Variants in SPTBN4 observed in about 807,000 individuals in gnomAD.
SPTBN4 encodes the protein spectrin beta, non-erythrocytic 4, also known as spectrin beta chain, non-erythrocytic 4.
In SPTBN4, 96 loss-of-function variants were observed where a neutral mutation model predicts 277.8. The observed-to-expected ratio is 0.35, with a 90% CI of 0.29 to 0.41. The LOEUF (loss-of-function observed/expected upper bound fraction) is 0.41. Ranked by LOEUF, SPTBN4 falls within the 10% of genes least tolerant of loss-of-function variation. The pLI, the probability that SPTBN4 is intolerant of heterozygous loss-of-function variation, is 1.00. For missense variants in SPTBN4, 3,006 were observed against 3,595.7 expected (o/e 0.84, Z 4.19); for synonymous variants, 1,481 against 1,580.3 (o/e 0.94, Z 1.49).
chr19:40,572,221 G>C (rs1373092408), intron 34 of SPTBN4, 29 bp downstream of exon 34: 1 of 1,594,882 alleles, frequency 6.3e-7, no homozygotes, highest in Admixed American at 1.7e-5. Flanking sequence ...AGGAGGGAGG[G>C]ATCCAAGGCT....
At chr19:40,497,240 T>G (rs1024153989) in intron 6 of SPTBN4, among the ~76,000 whole-genome samples, 1 of 152,142 alleles carries the variant, frequency 6.6e-6, no homozygotes, top group Non-Finnish European at 1.5e-5. Context: ...TTCGTCTGTG[T>G]GCACAGGCCG....
In SPTBN4 at chr19:40,523,561, A is replaced by G. The variant is rs1414506420; in HGVS notation, c.3779A>G (p.Gln1260Arg). Residue 1260 changes from glutamine to arginine, a missense_variant, in exon 17 of 36, where the codon CAG (glutamine) becomes CGG (arginine). Gln to Arg is a conservative substitution (Grantham distance 43). Transcript: ENST00000598249. ...CAGCAAAAGATGCAGGTGGCCGTGC[A>G]GGCTGCAGAGGGCCTGCTGAGGCAG... ...LSQQKMQVAV[Q>R]AAEGLLRQGN... 3 of 1,614,210 alleles carry G rather than the reference A, an allele frequency of 1.9e-6. No homozygotes were observed. Among genetic ancestry groups the G allele is most frequent in the Non-Finnish European group, 8.5e-7 (1 of 1,180,044 alleles).
chr19:40,516,371 TGGC>T (rs1384668996), intron 15 of SPTBN4, among the ~76,000 whole-genome samples: 1 of 152,064 alleles, frequency 6.6e-6, no homozygotes, highest in Non-Finnish European at 1.5e-5. Flanking sequence ...GGCATGATCA[TGGC>T]TCATTGCAGC....
chr19:40,489,548 G>A (rs2080113191), intron 3 of SPTBN4, among the ~76,000 whole-genome samples: 1 of 152,100 alleles, frequency 6.6e-6, no homozygotes, highest in African/African-American at 2.4e-5. Context: ...TACCAAGCCC[G>A]GCTAATTTTT....
chr19:40,569,598 C>A (rs1332676086), intron 31 of SPTBN4, 59 bp from the exon 32 acceptor site: 1 of 1,574,822 alleles, frequency 6.3e-7, no homozygotes, highest in Non-Finnish European at 8.7e-7. Context: ...CCCAGCCAGA[C>A]AGGTCCATGG....
rs991202607 is a variant in SPTBN4, at chr19:40,519,895, C to T, written c.3398C>T (p.Ala1133Val). The change falls in exon 16 of 36, where the codon GCT (alanine) becomes GTT (valine). Residue 1133 changes from alanine (A) to valine (V), a missense_variant. Ala to Val is a moderately conservative substitution (Grantham distance 64, BLOSUM62 0). Transcript: ENST00000598249. The surrounding 1 kb of genome is among the most constrained non-coding windows in gnomAD (Gnocchi z 5.7). ...EEADALLARH[A>V]ALKEEVDQRE... is the part of the protein sequence containing the mutation. Reference sequence around the variant, plus strand: ...GCGGACGCGCTGCTGGCGCGCCACGCTGCGCTCAAGGAGGAGGTGGACCAG... The same window carrying T: ...GCGGACGCGCTGCTGGCGCGCCACGTTGCGCTCAAGGAGGAGGTGGACCAG... The T allele has an allele frequency of 3.9e-6, 6 of 1,528,434 alleles. No homozygotes were observed. Among genetic ancestry groups the T allele is most frequent in the East Asian group, 2.5e-5 (1 of 39,716 alleles). 94.7% of individuals were successfully genotyped at this position (1,528,434 alleles called of 1,614,324 possible).
At position 40,529,027 on chromosome 19, in the gene SPTBN4, C is replaced by T; in HGVS notation, c.3858-14C>T. The T allele has an allele frequency of 1.2e-6, 2 of 1,612,512 alleles. No homozygotes were observed. The highest frequency in any genetic ancestry group is 1.7e-6 in the Non-Finnish European group (2 of 1,178,746). On this transcript the variant is annotated splice_polypyrimidine_tract_variant and intron_variant, in intron 17 of 35. Coordinates refer to ENST00000598249, the MANE Select transcript of SPTBN4 (RefSeq NM_020971.3). ...CCCGGGGCCTTTCCCCAGCCCTTATCTCCCCATCCCCAGGAACCAAGAAAA... is the reference window on the plus strand; with the variant it reads ...CCCGGGGCCTTTCCCCAGCCCTTATTTCCCCATCCCCAGGAACCAAGAAAA...
rs61435346 is a variant in SPTBN4, at chr19:40,481,162, G to A, written c.170-6535G>A. On this transcript the variant is annotated intron_variant, in intron 2 of 35. Transcript: ENST00000598249. The stretch of plus-strand genomic sequence containing the variant: ...CTTGTTTCTGGTGGTTTACACCCAC[G>A]CAGGAGTGAAGCTGTCCAATCATAG... Among the ~76,000 whole-genome samples, 1,353 of 152,220 alleles carry A rather than the reference G, an allele frequency of 8.9e-3. 7 individuals carry two copies. Among genetic ancestry groups the A allele is most frequent in the African/African-American group, 0.019 (805 of 41,550 alleles).
chr19:40,565,780 C>T (rs1309315129), intron 29 of SPTBN4, 35 bp downstream of exon 29: 3 of 1,545,454 alleles, frequency 1.9e-6, no homozygotes, highest in Non-Finnish European at 2.6e-6. Flanking sequence ...GGTTCAAGGG[C>T]ACAGGGACAT....
At chr19:40,509,599 C>T (rs2080368807) in intron 13 of SPTBN4, among the ~76,000 whole-genome samples, 1 of 152,186 alleles carries the variant, frequency 6.6e-6, no homozygotes, top group Non-Finnish European at 1.5e-5. Flanking sequence ...GTGCTGACGG[C>T]AGTTGGGGCT....
At chr19:40,561,531 T>C (rs62107867) in intron 27 of SPTBN4, among the ~76,000 whole-genome samples, 21,932 of 152,120 alleles carry the variant, frequency 0.14, 1,645 homozygotes, top group Non-Finnish European at 0.16. Flanking sequence ...TTCTGAAATA[T>C]AGCATGGGGA....
At chr19:40,491,438 G>C (rs1360809889) in intron 4 of SPTBN4, among the ~76,000 whole-genome samples, 1 of 151,988 alleles carries the variant, frequency 6.6e-6, no homozygotes, top group African/African-American at 2.4e-5. Context: ...GTGCATACAA[G>C]TTTAGAAAGA....
chr19:40,497,319 C>A, intron 6 of SPTBN4, 170 bp from the exon 7 acceptor site: 3 of 603,968 alleles, frequency 5.0e-6, no homozygotes, highest in Non-Finnish European at 8.9e-6. Flanking sequence ...GCGTCCATCA[C>A]ACTCACATCA....
At chr19:40,509,118 C>A (rs1180869685) in intron 13 of SPTBN4, among the ~76,000 whole-genome samples, 1 of 131,040 alleles carries the variant, frequency 7.6e-6, no homozygotes, top group Non-Finnish European at 1.6e-5. Flanking sequence ...CACTTGATCT[C>A]TCTATGTTAC....
In SPTBN4 at chr19:40,554,033, T is replaced by TG. The variant is rs1719241738; in HGVS notation, c.4675-109dup. On this transcript the variant is annotated intron_variant, in intron 22 of 35. Coordinates refer to ENST00000598249, the MANE Select transcript of SPTBN4 (RefSeq NM_020971.3). The surrounding 1 kb of genome is among the most constrained non-coding windows in gnomAD (Gnocchi z 5.7). ...TGGTCTTGGCACGTGGTTAGCGAGC[T>TG]GGGGGTGCTTGTTAATTGCCCCGTG... 9.2e-7 allele frequency: 1 copy of TG among 1,086,416 alleles called. No individual in the cohort carries two copies. Among genetic ancestry groups the TG allele is most frequent in the Non-Finnish European group, 1.2e-6 (1 of 810,750 alleles). The allele number at this position is 1,086,416 out of a possible 1,614,324, so 67.3% of individuals were successfully genotyped here. A position where few individuals can be genotyped will look rare whatever the true frequency, so the allele number is the denominator to read the frequency against.
intron 20 of SPTBN4, 66 bp downstream of exon 20, chr19:40,534,409 C>CCACT: frequency 1.3e-6 from 2 of 1,557,376 alleles, no homozygotes; most frequent in Non-Finnish European, 1.7e-6. Flanking sequence ...GGGTCCAACC[C>CCACT]CACTCAAGGT....
intron 17 of SPTBN4, among the ~76,000 whole-genome samples, chr19:40,525,357 C>G (rs958356446): frequency 3.7e-5 from 5 of 136,544 alleles, no homozygotes; most frequent in Non-Finnish European, 6.1e-5. Context: ...GGATCTTACT[C>G]TGTTGCCCAG....
At chr19:40,497,439 G>A (rs1038514037) in intron 6 of SPTBN4, 50 bp from the exon 7 acceptor site, 40 of 1,434,670 alleles carry the variant, frequency 2.8e-5, no homozygotes, top group Non-Finnish European at 3.6e-5. Flanking sequence ...CTGCTTGCCC[G>A]CCGGCTCTGG....
chr19:40,493,068 C>T lies in SPTBN4; in HGVS notation c.587+14C>T, dbSNP rs1477864303. ...GAAGACAGCTGGGTAAGCACCCCCA[C>T]CACCTTCCTTAGGAGGTTAGGCAAG... On this transcript the variant is annotated intron_variant, in intron 5 of 35. Transcript: ENST00000598249. 1 of 1,613,592 alleles carries T rather than the reference C, an allele frequency of 6.2e-7. No homozygotes were observed. Among genetic ancestry groups the T allele is most frequent in the South Asian group, 1.1e-5 (1 of 91,070 alleles).
Sources: gnomAD v4.1 joint callset for allele counts (sites outside exome capture counted in the v4.1 genomes callset) on GRCh38, gnomAD v4.1.1 for gene constraint, Gnocchi (gnomAD v3.1) non-coding constraint, MANE v1.5 for transcripts, NCBI Gene and HGNC (gene_info 2026-07-23, HGNC 2026-07-21) for gene names.